SLC16A2: variants seen among roughly 807,000 people sequenced by gnomAD.
SLC16A2 encodes monocarboxylate transporter 8.
SLC16A2 carries 3 observed loss-of-function variants against 27.2 expected under a neutral mutation model. The observed-to-expected ratio is 0.11, with a 90% CI of 0.05 to 0.28. The LOEUF is 0.28. Ranked by LOEUF, SLC16A2 falls within the 10% of genes least tolerant of loss-of-function variation. The pLI is 1.00. For missense variants in SLC16A2, 295 were observed against 458.5 expected (o/e 0.64, Z 3.26); for synonymous variants, 202 against 187.8 (o/e 1.08, Z -0.62).
At chrX:74,438,227 CTG>C (rs1928660897) in intron 1 of SLC16A2, among the ~76,000 whole-genome samples, 1 of 112,425 alleles carries the variant, frequency 8.9e-6, no homozygotes, top group African/African-American at 3.2e-5. Context: ...TTGACCAAGT[CTG>C]AGCTTCACTC....
intron 1 of SLC16A2, among the ~76,000 whole-genome samples, chrX:74,449,239 C>T (rs771589030): frequency 6.3e-4 from 71 of 111,928 alleles, no homozygotes; most frequent in African/African-American, 2.1e-3. Context: ...GGACTAGGCC[C>T]TTACTCCTCT....
chrX:74,435,541 A>ATATGTG (rs1555980981), intron 1 of SLC16A2, among the ~76,000 whole-genome samples: 19,330 of 77,828 alleles, frequency 0.25, 2,650 homozygotes, highest in African/African-American at 0.48. Flanking sequence ...ATATATGTAT[A>ATATGTG]TATATATATA....
intron 1 of SLC16A2, chrX:74,473,732 A>T (rs1275562485): frequency 6.4e-6 from 6 of 932,807 alleles, no homozygotes; most frequent in Non-Finnish European, 9.2e-6. Context: ...CCTTGCATTC[A>T]TGGCTGCATC....
At position 74,435,392 on chromosome X, in the gene SLC16A2, T is replaced by C. The variant is rs760925513; in HGVS notation, c.430+13325T>C. 1.1e-4 allele frequency among the ~76,000 whole-genome samples: 12 copies of C among 107,432 alleles called. No homozygotes were observed. In the South Asian group the frequency reaches 5.0e-3, roughly 44 times the overall value. 93.3% of individuals were successfully genotyped at this position (107,432 alleles called of 115,157 possible). On this transcript the variant is annotated intron_variant, in intron 1 of 5. Coordinates refer to ENST00000587091, the MANE Select transcript of SLC16A2 (RefSeq NM_006517.5). ...AGGGCAAGTGAGTGCCCTGAGGTAATACATTTAATATTTAGCAGATTAAGC... is the reference window on the plus strand; with the variant it reads ...AGGGCAAGTGAGTGCCCTGAGGTAACACATTTAATATTTAGCAGATTAAGC...
chrX:74,427,861 G>T (rs955711887), intron 1 of SLC16A2, among the ~76,000 whole-genome samples: 3 of 109,597 alleles, frequency 2.7e-5, no homozygotes, highest in Non-Finnish European at 5.7e-5. Context: ...TACACCCTAA[G>T]CCATAGATTA....
intron 1 of SLC16A2, 83 bp from the exon 2 acceptor site, chrX:74,520,907 C>A: frequency 9.2e-7 from 1 of 1,083,671 alleles, no homozygotes; most frequent in Non-Finnish European, 1.3e-6. Context: ...CTGTGAAAGG[C>A]CAGAGAAGAA....
At chrX:74,496,034 A>G (rs1359762406) in intron 1 of SLC16A2, among the ~76,000 whole-genome samples, 1 of 111,024 alleles carries the variant, frequency 9.0e-6, no homozygotes, top group Non-Finnish European at 1.9e-5. Context: ...AAGGAGCCCA[A>G]CTGCCCGGTC....
chrX:74,487,645 T>C (rs1929746002), intron 1 of SLC16A2, among the ~76,000 whole-genome samples: 1 of 112,196 alleles, frequency 8.9e-6, no homozygotes. Context: ...CACTAAAGAT[T>C]TTTTTAAAGA....
At chrX:74,427,365 A>G (rs1288106403) in intron 1 of SLC16A2, among the ~76,000 whole-genome samples, 3 of 111,476 alleles carry the variant, frequency 2.7e-5, no homozygotes, top group African/African-American at 9.8e-5. Context: ...GTGATCCTGG[A>G]GAAGGCCCAT....
At chrX:74,424,698 A>G (rs1928372878) in intron 1 of SLC16A2, among the ~76,000 whole-genome samples, 1 of 111,682 alleles carries the variant, frequency 9.0e-6, no homozygotes, top group Non-Finnish European at 1.9e-5. Context: ...TCCATCTCTA[A>G]GAGTCTATGA....
chrX:74,467,099 C>T (rs772622034), intron 1 of SLC16A2, among the ~76,000 whole-genome samples: 11 of 112,142 alleles, frequency 9.8e-5, no homozygotes, highest in Middle Eastern at 4.6e-3. Flanking sequence ...TTTAAGGGCC[C>T]GCCCCTCCCC....
intron 1 of SLC16A2, among the ~76,000 whole-genome samples, chrX:74,514,079 C>G (rs1930276527): frequency 9.0e-6 from 1 of 111,363 alleles, no homozygotes; most frequent in Non-Finnish European, 1.9e-5. Flanking sequence ...GCTAAAAATG[C>G]TGGACATTAT....
intron 1 of SLC16A2, among the ~76,000 whole-genome samples, chrX:74,506,653 G>GA (rs1316208229): frequency 3.6e-5 from 4 of 111,193 alleles, no homozygotes; most frequent in African/African-American, 1.3e-4. Flanking sequence ...GTCTAGGGCA[G>GA]AAGGGAGATC....
At chrX:74,423,654 C>G (rs1432893678) in intron 1 of SLC16A2, among the ~76,000 whole-genome samples, 2 of 111,980 alleles carry the variant, frequency 1.8e-5, no homozygotes, top group Non-Finnish European at 3.8e-5. Flanking sequence ...TGTAGAGCAA[C>G]TTCTGCGGGG....
chrX:74,499,847 T>C (rs1429922207), intron 1 of SLC16A2, among the ~76,000 whole-genome samples: 3 of 111,472 alleles, frequency 2.7e-5, no homozygotes, highest in Non-Finnish European at 5.6e-5. Flanking sequence ...GAGAACTTTA[T>C]TAGCAATATT....
chrX:74,518,862 G>T (rs1930359469), intron 1 of SLC16A2, among the ~76,000 whole-genome samples: 1 of 111,763 alleles, frequency 8.9e-6, no homozygotes, highest in Non-Finnish European at 1.9e-5. Context: ...TCTATTGTCA[G>T]ATTTTGTGTG....
chrX:74,464,518 G>T (rs991778870), intron 1 of SLC16A2, among the ~76,000 whole-genome samples: 1 of 111,734 alleles, frequency 8.9e-6, no homozygotes, highest in African/African-American at 3.3e-5. Context: ...CTTGTATAAG[G>T]AGTTTTCTTG....
Position 74,531,518 on chromosome X carries a change from C to T in SLC16A2, c.1585C>T (p.Leu529=), listed in dbSNP as rs775718340. 7.4e-6 allele frequency: 9 copies of T among 1,209,175 alleles called. No individual in the cohort carries two copies. The highest frequency in any genetic ancestry group is 1.0e-5 in the Non-Finnish European group (9 of 893,752). The change falls in exon 6 of 6, where the codon CTG becomes TTG. Residue 529 remains leucine, a synonymous_variant. Coordinates refer to ENST00000587091, the MANE Select transcript of SLC16A2 (RefSeq NM_006517.5). ...APDPDPNGEL[L]PGSPNPEEPI ...TGACCCAGACCCCAATGGGGAGCTA[C>T]TGCCGGGCTCCCCCAACCCTGAGGA...
intron 1 of SLC16A2, among the ~76,000 whole-genome samples, chrX:74,458,582 A>G (rs1258364524): frequency 1.8e-5 from 2 of 111,258 alleles, no homozygotes; most frequent in Non-Finnish European, 3.8e-5. Context: ...TCCCGACCTC[A>G]GGTGATCCAC....
Sources: allele counts gnomAD v4.1 joint callset (sites outside exome capture counted in the v4.1 genomes callset), GRCh38; gene constraint gnomAD v4.1.1; transcripts MANE v1.5; gene names NCBI Gene and HGNC (gene_info 2026-07-23, HGNC 2026-07-21).